Variants in DYM observed in about 807,000 individuals in gnomAD.
The protein encoded by DYM is dymeclin.
Under a neutral mutation model 93.1 loss-of-function variants are expected in DYM, and 78 were observed. The observed-to-expected ratio is 0.84, with a 90% CI of 0.70 to 1.01. DYM has a LOEUF of 1.01. Among genes scored for constraint, DYM ranks in the 50% least tolerant of loss-of-function variants. The pLI is 0.00. For missense variants in DYM, 789 were observed against 845.0 expected, an observed-to-expected ratio of 0.93 and a Z score of 0.82; for synonymous variants, 321 against 319.7, an observed-to-expected ratio of 1.00 and a Z score of -0.04.
At chr18:49,310,829 G>A (rs967325135) in intron 8 of DYM, among the ~76,000 whole-genome samples, 1 of 152,008 alleles carries the variant, frequency 6.6e-6, no homozygotes, top group Non-Finnish European at 1.5e-5. Context: ...CTAGCCAAAT[G>A]TTGTTCAATT....
intron 17 of DYM, among the ~76,000 whole-genome samples, chr18:49,064,306 G>A (rs544297073): frequency 2.6e-5 from 4 of 152,230 alleles, no homozygotes; most frequent in Non-Finnish European, 5.9e-5. Flanking sequence ...AAACCTATTC[G>A]TTGGTCAACA....
chr18:49,320,235 A>G (rs1041930173), intron 8 of DYM, among the ~76,000 whole-genome samples: 2 of 152,176 alleles, frequency 1.3e-5, no homozygotes, highest in Non-Finnish European at 2.9e-5. Context: ...ATTCATCCTC[A>G]CAGTGATTCT....
chr18:49,379,958 T>C (rs2067886418), intron 3 of DYM, among the ~76,000 whole-genome samples, 200 bp from the exon 4 acceptor site: 1 of 152,088 alleles, frequency 6.6e-6, no homozygotes, highest in South Asian at 2.1e-4. Context: ...CAAAAACTGA[T>C]TTGCAAAATG....
At position 49,425,967 on chromosome 18, in the gene DYM, C is replaced by T. The variant is rs950222096; in HGVS notation, c.140+4288G>A. 8.5e-5 allele frequency among the ~76,000 whole-genome samples: 13 copies of T among 152,132 alleles called. No individual in the cohort carries two copies. The East Asian group carries it at 1.2e-3, about 14-fold the overall frequency. ...TTGGTGGGACTGTAAACTAGTTCAACCATTGTGGAAGTCAGTGTGGCGATT... is the reference window on the plus strand; with the variant it reads ...TTGGTGGGACTGTAAACTAGTTCAATCATTGTGGAAGTCAGTGTGGCGATT... On this transcript the variant is annotated intron_variant, in intron 2 of 17. Transcript: ENST00000675505.
chr18:49,409,562 T>TC (rs1236914336), intron 2 of DYM, among the ~76,000 whole-genome samples: 1 of 152,116 alleles, frequency 6.6e-6, no homozygotes, highest in East Asian at 1.9e-4. Context: ...AAAGCATGTA[T>TC]CCCTTCATTC....
At chr18:49,353,250 C>T (rs1160327207) in intron 6 of DYM, among the ~76,000 whole-genome samples, 1 of 152,028 alleles carries the variant, frequency 6.6e-6, no homozygotes, top group African/African-American at 2.4e-5. Flanking sequence ...TATTTTAAAA[C>T]AATTAAAATA....
chr18:49,255,711 C>T (rs2094380429), intron 13 of DYM, among the ~76,000 whole-genome samples: 1 of 149,668 alleles, frequency 6.7e-6, no homozygotes, highest in African/African-American at 2.5e-5. Flanking sequence ...CCCTGCATTG[C>T]CCCAAAAGTA....
intron 6 of DYM, among the ~76,000 whole-genome samples, chr18:49,340,219 T>C (rs548892928): frequency 2.0e-5 from 3 of 152,092 alleles, no homozygotes; most frequent in African/African-American, 4.8e-5. Flanking sequence ...ACCAAAGTGC[T>C]GGGATTACAA....
At chr18:49,232,159 A>G (rs1322953055) in intron 13 of DYM, among the ~76,000 whole-genome samples, 1 of 152,154 alleles carries the variant, frequency 6.6e-6, no homozygotes, top group Non-Finnish European at 1.5e-5. Flanking sequence ...TACGTTATGA[A>G]GTATTCTGCT....
intron 2 of DYM, among the ~76,000 whole-genome samples, chr18:49,425,386 A>G (rs1232037639): frequency 1.3e-5 from 2 of 152,204 alleles, no homozygotes; most frequent in African/African-American, 4.8e-5. Context: ...CTCATACAAA[A>G]ATTAATTCAA....
In DYM at chr18:49,331,603, C is replaced by T. The variant is rs77336007; in HGVS notation, c.763+261G>A. On this transcript the variant is annotated intron_variant, in intron 8 of 17. Coordinates refer to ENST00000675505, the MANE Select transcript of DYM (RefSeq NM_001353214.3). Reference sequence around the variant, plus strand: ...TTTTACTATACAGCTACAATTCATGCAATACGCATATTTATGTGTAAACAT... The same window carrying T: ...TTTTACTATACAGCTACAATTCATGTAATACGCATATTTATGTGTAAACAT... 5.5e-3 allele frequency among the ~76,000 whole-genome samples: 837 copies of T among 152,320 alleles called. 3 individuals are homozygous for T. The highest frequency in any genetic ancestry group is 0.011 in the Admixed American group (164 of 15,306).
At chr18:49,063,068 A>G (rs1035785596) in intron 17 of DYM, among the ~76,000 whole-genome samples, 5 of 152,336 alleles carry the variant, frequency 3.3e-5, no homozygotes, top group African/African-American at 1.2e-4. Flanking sequence ...ATGGAACCCT[A>G]CTAATTGGAA....
intron 6 of DYM, among the ~76,000 whole-genome samples, chr18:49,336,286 G>C (rs547113222): frequency 2.0e-5 from 3 of 152,030 alleles, no homozygotes; most frequent in Non-Finnish European, 4.4e-5. Flanking sequence ...ATAACCTTAG[G>C]GAAAGAATAC....
At chr18:49,341,699 C>CA (rs1043344376) in intron 6 of DYM, among the ~76,000 whole-genome samples, 3 of 151,734 alleles carry the variant, frequency 2.0e-5, no homozygotes, top group African/African-American at 7.3e-5. Flanking sequence ...TCCATAAATT[C>CA]AAAAATATAA....
At chr18:49,055,704 G>C (rs1301302857) in intron 17 of DYM, among the ~76,000 whole-genome samples, 1 of 152,184 alleles carries the variant, frequency 6.6e-6, no homozygotes, top group Non-Finnish European at 1.5e-5. Context: ...CCAAAATGCC[G>C]AGGGCCAAAT....
chr18:49,146,750 T>C lies in DYM; in HGVS notation c.1728+16935A>G, dbSNP rs147260549. On this transcript the variant is annotated intron_variant, in intron 15 of 17. Transcript: ENST00000675505. ...GATCATGGGTAGGAAGAATCAATATTGTGATAATGGCCATACTGCCCAAGG... is the reference window on the plus strand; with the variant it reads ...GATCATGGGTAGGAAGAATCAATATCGTGATAATGGCCATACTGCCCAAGG... 9.8e-3 allele frequency among the ~76,000 whole-genome samples: 1,494 copies of C among 152,270 alleles called. 27 individuals carry two copies. The highest frequency in any genetic ancestry group is 0.031 in the African/African-American group (1,270 of 41,546).
At chr18:49,441,045 TATA>T (rs2081419876) in intron 1 of DYM, among the ~76,000 whole-genome samples, 1 of 7,688 alleles carries the variant, frequency 1.3e-4, no homozygotes, top group Non-Finnish European at 2.8e-4. Flanking sequence ...TATATAAATA[TATA>T]ATATATTTAT....
At chr18:49,121,596 C>T (rs2082388738) in intron 15 of DYM, among the ~76,000 whole-genome samples, 1 of 151,984 alleles carries the variant, frequency 6.6e-6, no homozygotes, top group Non-Finnish European at 1.5e-5. Flanking sequence ...ACCAAAAGAA[C>T]CCATGTACTT....
chr18:49,233,069 A>T (rs1263815384), intron 13 of DYM, among the ~76,000 whole-genome samples: 1 of 152,158 alleles, frequency 6.6e-6, no homozygotes, highest in Non-Finnish European at 1.5e-5. Context: ...AATATCTAAA[A>T]ATGTACCTTT....
Sources: allele counts gnomAD v4.1 joint callset (sites outside exome capture counted in the v4.1 genomes callset), GRCh38; gene constraint gnomAD v4.1.1; transcripts MANE v1.5; gene names NCBI Gene and HGNC (gene_info 2026-07-23, HGNC 2026-07-21).